The following FOXO1 variants were observed in gnomAD, a reference collection of about 807,000 sequenced individuals.
The protein encoded by FOXO1 is forkhead box protein O1.
In FOXO1, 6 loss-of-function variants were observed where a neutral mutation model predicts 44.1. That is an observed-to-expected ratio of 0.14 (90% CI 0.07 to 0.27). FOXO1 has a LOEUF of 0.27. Ranked by LOEUF, FOXO1 falls within the 10% of genes least tolerant of loss-of-function variation. The pLI, the probability that FOXO1 is intolerant of heterozygous loss-of-function variation, is 1.00. For missense variants in FOXO1, 737 were observed against 888.8 expected, an observed-to-expected ratio of 0.83 and a Z score of 2.17; for synonymous variants, 380 against 362.7, an observed-to-expected ratio of 1.05 and a Z score of -0.54.
intron 1 of FOXO1, chr13:40,619,654 A>T: frequency 6.5e-7 from 1 of 1,537,898 alleles, no homozygotes; most frequent in Non-Finnish European, 9.0e-7. Flanking sequence ...AACCTCAGTG[A>T]ATTTCAATGG....
At chr13:40,615,368 C>G (rs531522447) in intron 1 of FOXO1, among the ~76,000 whole-genome samples, 24 of 152,224 alleles carry the variant, frequency 1.6e-4, no homozygotes, top group African/African-American at 4.6e-4. Context: ...GAAACCCCAT[C>G]TCTACTAAAA....
intron 1 of FOXO1, among the ~76,000 whole-genome samples, chr13:40,662,669 C>T (rs932581677): frequency 6.6e-6 from 1 of 152,152 alleles, no homozygotes; most frequent in Non-Finnish European, 1.5e-5. Flanking sequence ...CTAGTTTGTC[C>T]TATGCAAATG....
chr13:40,652,638 T>C (rs1245157459), intron 1 of FOXO1, among the ~76,000 whole-genome samples: 2 of 152,236 alleles, frequency 1.3e-5, no homozygotes, highest in Non-Finnish European at 2.9e-5. Context: ...ATGTTACTTA[T>C]GCAACTCTAT....
intron 1 of FOXO1, among the ~76,000 whole-genome samples, chr13:40,604,026 A>C (rs907128054): frequency 6.6e-6 from 1 of 152,198 alleles, no homozygotes; most frequent in Non-Finnish European, 1.5e-5. Flanking sequence ...TCAGGTGAGA[A>C]AGCTGGAGCA....
chr13:40,596,947 G>A (rs1013334882), intron 1 of FOXO1, among the ~76,000 whole-genome samples: 1 of 152,176 alleles, frequency 6.6e-6, no homozygotes, highest in East Asian at 1.9e-4. Flanking sequence ...AGACAGCAAG[G>A]TACCCTACCC....
At chr13:40,650,457 C>T (rs997462880) in intron 1 of FOXO1, among the ~76,000 whole-genome samples, 4 of 152,134 alleles carry the variant, frequency 2.6e-5, no homozygotes, top group Admixed American at 1.3e-4. Context: ...GTTCACACGC[C>T]TCTTGACAAA....
In FOXO1 at chr13:40,666,203, C is replaced by G; in HGVS notation, c.10G>C (p.Ala4Pro). The G allele has an allele frequency of 7.0e-7, 1 of 1,438,574 alleles. No individual in the cohort carries two copies. The highest frequency in any genetic ancestry group is 9.1e-7 in the Non-Finnish European group (1 of 1,097,344). The allele number at this position is 1,438,574 out of a possible 1,614,324, so 89.1% of individuals were successfully genotyped here. A position where few individuals can be genotyped will look rare whatever the true frequency, so the allele number is the denominator to read the frequency against. The change falls in exon 1 of 3, where the codon GCG becomes CCG. Residue 4 changes from alanine (A) to proline (P), a missense_variant. Around this residue, in one of 7 missense-constraint regions of FOXO1, gnomAD observed 213 missense variants for 236.4 expected, o/e 0.90. Transcript: ENST00000379561. MAE[A>P]PQVVEIDPDF... ...GGGTCGATCTCCACCACCTGAGGCG[C>G]CTCGGCCATGGTGACCCCCGCCCCT...
chr13:40,559,046 C>A lies in FOXO1; in HGVS notation c.*15-12G>T. ...CTTTTAAGTGTAACCTAGGAAAAAA[C>A]ACATACATACGCACACACACATACA... On this transcript the variant is annotated splice_polypyrimidine_tract_variant and intron_variant, in intron 2 of 2. Transcript: ENST00000379561. The A allele has an allele frequency of 2.5e-6, 1 of 396,936 alleles. No individual in the cohort carries two copies. Among genetic ancestry groups the A allele is most frequent in the Non-Finnish European group, 4.4e-6 (1 of 225,710 alleles). 24.6% of individuals were successfully genotyped at this position (396,936 alleles called of 1,614,324 possible). A position where few individuals can be genotyped will look rare whatever the true frequency, so the allele number is the denominator to read the frequency against.
At chr13:40,580,369 GAAC>G (rs565374898) in intron 1 of FOXO1, among the ~76,000 whole-genome samples, 50 of 152,272 alleles carry the variant, frequency 3.3e-4, no homozygotes, top group Non-Finnish European at 6.3e-4. Context: ...CGGGGAAAGA[GAAC>G]AACAATTTTA....
chr13:40,664,980 G>A (rs1461043689), intron 1 of FOXO1, among the ~76,000 whole-genome samples: 2 of 151,938 alleles, frequency 1.3e-5, no homozygotes. Context: ...CGGCACTCGA[G>A]GCCACTCCGG....
rs530646252 is a variant in FOXO1 at position 40,619,688 on chromosome 13, C to G, written c.630+45895G>C. ...GGTGGTAGTTCCAACATTCTAAGGACTAGGCTTGCTTCAAGGGGGAAAAAT... is the reference window on the plus strand; with the variant it reads ...GGTGGTAGTTCCAACATTCTAAGGAGTAGGCTTGCTTCAAGGGGGAAAAAT... On this transcript the variant is annotated intron_variant, in intron 1 of 2. Transcript: ENST00000379561. The G allele has an allele frequency of 1.2e-4, 166 of 1,338,082 alleles. 2 individuals carry two copies. In the East Asian group the frequency reaches 2.0e-3, roughly 16 times the overall value. 82.9% of individuals were successfully genotyped at this position (1,338,082 alleles called of 1,614,324 possible).
chr13:40,664,408 G>A (rs1376459134), intron 1 of FOXO1, among the ~76,000 whole-genome samples: 1 of 151,902 alleles, frequency 6.6e-6, no homozygotes, highest in Non-Finnish European at 1.5e-5. Flanking sequence ...CCCCGGAGCC[G>A]AGGGCCCCCG....
chr13:40,623,400 G>A (rs1375204791), intron 1 of FOXO1, among the ~76,000 whole-genome samples: 3 of 152,000 alleles, frequency 2.0e-5, no homozygotes, highest in East Asian at 3.9e-4. Flanking sequence ...AAGACAGATC[G>A]GTAAACTTGC....
chr13:40,589,084 C>A (rs780088596), intron 1 of FOXO1, among the ~76,000 whole-genome samples: 1 of 151,924 alleles, frequency 6.6e-6, no homozygotes, highest in Non-Finnish European at 1.5e-5. Context: ...CCAGCCTGGG[C>A]GACAGAGCGA....
intron 1 of FOXO1, among the ~76,000 whole-genome samples, chr13:40,631,417 A>G (rs1196384343): frequency 6.6e-6 from 1 of 152,206 alleles, no homozygotes; most frequent in African/African-American, 2.4e-5. Flanking sequence ...CTTAGACATG[A>G]CACCAAAAGC....
intron 1 of FOXO1, among the ~76,000 whole-genome samples, chr13:40,659,314 C>CAAAAAAAAAAAAAAAAA (rs1210028542): frequency 1.1e-5 from 1 of 87,600 alleles, no homozygotes; most frequent in Non-Finnish European, 2.3e-5. Context: ...GACTCCGTCT[C>CAAAAAAAAAAAAAAAAA]AAAAAAAAAA....
chr13:40,573,977 T>C (rs566706358), intron 1 of FOXO1, among the ~76,000 whole-genome samples: 49 of 152,246 alleles, frequency 3.2e-4, no homozygotes, highest in Non-Finnish European at 6.5e-4. Context: ...TGGTACACCT[T>C]AAACTCCTCT....
At chr13:40,655,701 G>A (rs1877838232) in intron 1 of FOXO1, among the ~76,000 whole-genome samples, 1 of 142,174 alleles carries the variant, frequency 7.0e-6, no homozygotes. Flanking sequence ...GGAGTGTCGT[G>A]GCATAATCTC....
At chr13:40,645,534 T>C (rs1877482541) in intron 1 of FOXO1, among the ~76,000 whole-genome samples, 2 of 152,312 alleles carry the variant, frequency 1.3e-5, no homozygotes, top group East Asian at 1.9e-4. Flanking sequence ...ACAATGACTA[T>C]TTCTAAAGGC....
Sources: gnomAD v4.1 joint callset for allele counts (sites outside exome capture counted in the v4.1 genomes callset) on GRCh38, gnomAD v4.1.1 for gene constraint, gnomAD v4.1.1 regional missense constraint, MANE v1.5 for transcripts, NCBI Gene and HGNC (gene_info 2026-07-23, HGNC 2026-07-21) for gene names.